Variants in QTGAL observed in about 807,000 individuals in gnomAD.
QTGAL encodes the protein BGnT-like protein 1.
At chr17:82,944,720 C>T in the QTGAL span, 1 of 152,208 alleles carries the variant, frequency 6.6e-6, no homozygotes, top group Non-Finnish European at 1.5e-5. Context: ...CAAACACGTT[C>T]TAGGTGCTAA....
At chr17:83,051,333 A>T in the QTGAL span, among the ~76,000 whole-genome samples, 1 of 148,816 alleles carries the variant, frequency 6.7e-6, no homozygotes, top group East Asian at 2.0e-4. Context: ...GGCGCGGGGA[A>T]GGAGCGCGGG....
At chr17:83,006,487 C>T in the QTGAL span, 19 of 985,046 alleles carry the variant, frequency 1.9e-5, no homozygotes, top group African/African-American at 1.2e-4. This position sits in a 1 kb window ranked among gnomAD's most constrained non-coding sequence, Gnocchi z 5.8. Context: ...GGTAACATCA[C>T]GAGGACCCAA....
At chr17:83,001,810 C>T in the QTGAL span, among the ~76,000 whole-genome samples, 1 of 152,160 alleles carries the variant, frequency 6.6e-6, no homozygotes, top group Non-Finnish European at 1.5e-5. Context: ...GGGTCTGTTG[C>T]CCAGGCTGGA....
chr17:83,020,494 A>C, the QTGAL span, among the ~76,000 whole-genome samples: 1 of 152,232 alleles, frequency 6.6e-6, no homozygotes, highest in Non-Finnish European at 1.5e-5. Context: ...GTTGAAAGCC[A>C]CTGGAGACCC....
At chr17:82,997,102 A>T in the QTGAL span, among the ~76,000 whole-genome samples, 1 of 152,232 alleles carries the variant, frequency 6.6e-6, no homozygotes, top group South Asian at 2.1e-4. Context: ...CAACAAAGTG[A>T]AGAGACAACC....
chr17:82,994,704 A>G, the QTGAL span, among the ~76,000 whole-genome samples: 4 of 152,114 alleles, frequency 2.6e-5, no homozygotes, highest in African/African-American at 4.8e-5. Flanking sequence ...TACAAGACCA[A>G]TTTTACCCTG....
the QTGAL span, among the ~76,000 whole-genome samples, chr17:82,984,021 GA>G: frequency 5.9e-5 from 8 of 136,304 alleles, no homozygotes; most frequent in Admixed American, 5.9e-4. Context: ...GGACGTGGGG[GA>G]GGGGAGAGGC....
the QTGAL span, among the ~76,000 whole-genome samples, chr17:82,995,968 A>G: frequency 2.1e-4 from 32 of 152,200 alleles, no homozygotes; most frequent in African/African-American, 7.2e-4. Context: ...GCAAGAAATT[A>G]AAGAAGAGTA....
the QTGAL span, among the ~76,000 whole-genome samples, chr17:82,987,071 A>G: frequency 1.3e-5 from 2 of 152,352 alleles, no homozygotes; most frequent in East Asian, 3.9e-4. Context: ...CAAAATCCCT[A>G]AAGTCTAAAA....
chr17:83,037,993 T>G, the QTGAL span, among the ~76,000 whole-genome samples: 2 of 152,140 alleles, frequency 1.3e-5, no homozygotes, highest in Admixed American at 6.5e-5. This position sits in a 1 kb window ranked among gnomAD's most constrained non-coding sequence, Gnocchi z 5.2. Context: ...TAACATTCCT[T>G]CCTCCTGGAG....
the QTGAL span, among the ~76,000 whole-genome samples, chr17:82,971,400 C>A: frequency 6.6e-6 from 1 of 152,192 alleles, no homozygotes; most frequent in South Asian, 2.1e-4. Context: ...CTGCCAGGCG[C>A]CCGGCGAGTC....
the QTGAL span, among the ~76,000 whole-genome samples, chr17:82,954,627 A>G: frequency 1.3e-5 from 2 of 152,350 alleles, no homozygotes; most frequent in East Asian, 3.9e-4. Flanking sequence ...ACCAGAAAAA[A>G]CTACTTTAAA....
chr17:82,979,047 A>T, the QTGAL span, among the ~76,000 whole-genome samples: 1 of 152,172 alleles, frequency 6.6e-6, no homozygotes, highest in Non-Finnish European at 1.5e-5. Flanking sequence ...AGGACAAAAA[A>T]CTCAGCTTCC....
At chr17:82,951,602 T>C in the QTGAL span, among the ~76,000 whole-genome samples, 5 of 152,340 alleles carry the variant, frequency 3.3e-5, no homozygotes, top group African/African-American at 1.2e-4. Flanking sequence ...GGCTAACCGT[T>C]AGGCTGAAAG....
At chr17:83,014,561 AT>A in the QTGAL span, 1 of 1,605,748 alleles carries the variant, frequency 6.2e-7, no homozygotes, top group South Asian at 1.1e-5. Context: ...GTTTGCATTG[AT>A]TGATGCATAG....
chr17:83,006,197 G>C, the QTGAL span: 1 of 985,906 alleles, frequency 1.0e-6, no homozygotes, highest in Non-Finnish European at 1.2e-6. The surrounding 1 kb of genome is among the most constrained non-coding windows in gnomAD (Gnocchi z 5.8). Context: ...GGTCCAAAGA[G>C]TGGTATCAGT....
chr17:82,951,911 G>T, the QTGAL span, among the ~76,000 whole-genome samples: 81 of 152,078 alleles, frequency 5.3e-4, no homozygotes, highest in East Asian at 0.014. Context: ...GACACCACAG[G>T]TCACCGTAAC....
chr17:82,993,705 T>G, the QTGAL span, among the ~76,000 whole-genome samples: 1 of 151,958 alleles, frequency 6.6e-6, no homozygotes, highest in African/African-American at 2.4e-5. Flanking sequence ...AGCACATGGA[T>G]CATCCTCAAG....
chr17:82,996,698 A>T, the QTGAL span, among the ~76,000 whole-genome samples: 6 of 152,152 alleles, frequency 3.9e-5, no homozygotes, highest in African/African-American at 1.4e-4. Context: ...AAAAACAGAC[A>T]CATAGATCCG....
Sources: allele counts gnomAD v4.1 joint callset (sites outside exome capture counted in the v4.1 genomes callset), GRCh38; gene constraint gnomAD v4.1.1; non-coding constraint Gnocchi (gnomAD v3.1); transcripts MANE v1.5; gene names NCBI Gene and HGNC (gene_info 2026-07-23, HGNC 2026-07-21).